DMD: variants seen among roughly 807,000 people sequenced by gnomAD.
DMD encodes mutant dystrophin.
A neutral mutation model predicts 330.1 loss-of-function variants in DMD; 63 were observed. The observed-to-expected ratio is 0.19, with a 90% CI of 0.16 to 0.24. The LOEUF (loss-of-function observed/expected upper bound fraction) is 0.24. Among genes scored for constraint, DMD ranks in the 10% least tolerant of loss-of-function variants. The pLI is 1.00. For missense variants in DMD, 3,344 were observed against 2,684.1 expected (o/e 1.25, Z -5.43); for synonymous variants, 1,223 against 959.8 (o/e 1.27, Z -5.07).
intron 76 of DMD, among the ~76,000 whole-genome samples, chrX:31,146,065 C>G (rs953831682): frequency 1.2e-4 from 13 of 112,652 alleles, no homozygotes; most frequent in African/African-American, 3.6e-4. Context: ...GCAATTGCCT[C>G]CTAACTGGTC....
At chrX:32,731,644 A>T (rs2067673312) in intron 7 of DMD, among the ~76,000 whole-genome samples, 1 of 111,968 alleles carries the variant, frequency 8.9e-6, no homozygotes, top group African/African-American at 3.2e-5. Context: ...ACTCCCCAAA[A>T]GGGGCATACT....
chrX:33,008,223 C>CT (rs1301075112), intron 2 of DMD, among the ~76,000 whole-genome samples: 2 of 111,250 alleles, frequency 1.8e-5, no homozygotes, highest in Admixed American at 9.6e-5. Flanking sequence ...AAGCAAAGCC[C>CT]TTTTAAAAAC....
chrX:31,383,731 T>C (rs1017242378), intron 60 of DMD, among the ~76,000 whole-genome samples: 1 of 112,085 alleles, frequency 8.9e-6, no homozygotes, highest in African/African-American at 3.2e-5. Context: ...TGGTTGTGCA[T>C]TGGAGAGAAG....
chrX:32,636,243 T>A (rs1392054289), intron 11 of DMD, among the ~76,000 whole-genome samples: 2 of 111,985 alleles, frequency 1.8e-5, no homozygotes, highest in African/African-American at 6.5e-5. Context: ...GGAGAGCATG[T>A]CATGTATCAT....
chrX:33,267,028 T>C (rs2053054738), intron 1 of DMD, among the ~76,000 whole-genome samples: 1 of 110,650 alleles, frequency 9.0e-6, no homozygotes, highest in Admixed American at 9.7e-5. Context: ...ATAAAATGCA[T>C]CCAAATAGAA....
chrX:32,017,126 T>C (rs1372345129), intron 44 of DMD, among the ~76,000 whole-genome samples: 4 of 112,250 alleles, frequency 3.6e-5, no homozygotes, highest in Non-Finnish European at 7.5e-5. Context: ...TTCCAAAGAA[T>C]TTCTTCTCAG....
intron 55 of DMD, among the ~76,000 whole-genome samples, chrX:31,572,477 T>C (rs2075875231): frequency 8.9e-6 from 1 of 112,233 alleles, no homozygotes; most frequent in South Asian, 3.7e-4. Flanking sequence ...CTAATGGCTT[T>C]AGACATACTC....
At chrX:32,432,001 C>T (rs2098240314) in intron 29 of DMD, among the ~76,000 whole-genome samples, 1 of 111,599 alleles carries the variant, frequency 9.0e-6, no homozygotes, top group Non-Finnish European at 1.9e-5. Flanking sequence ...ACGCTCCTAA[C>T]CTGGTGCTAC....
chrX:32,759,047 CTT>C (rs1401161271), intron 7 of DMD, among the ~76,000 whole-genome samples: 10 of 98,606 alleles, frequency 1.0e-4, no homozygotes, highest in African/African-American at 4.0e-4. Context: ...TTCTAACTAT[CTT>C]TAAGTTTCAG....
chrX:31,573,603 G>GA (rs1315899277), intron 55 of DMD, among the ~76,000 whole-genome samples: 1 of 111,997 alleles, frequency 8.9e-6, no homozygotes, highest in African/African-American at 3.2e-5. Context: ...GATCTACTTA[G>GA]AAAAACATCT....
chrX:31,470,521 C>T (rs373076585), intron 59 of DMD, among the ~76,000 whole-genome samples: 19 of 112,151 alleles, frequency 1.7e-4, no homozygotes, highest in African/African-American at 6.2e-4. Flanking sequence ...CCTCTGGAAG[C>T]TTCATCCCAG....
intron 7 of DMD, among the ~76,000 whole-genome samples, chrX:32,747,115 G>A (rs929041546): frequency 8.9e-6 from 1 of 111,732 alleles, no homozygotes; most frequent in African/African-American, 3.3e-5. Context: ...TGGACACTTA[G>A]GTTGATTCCG....
rs753950173 is a variant in DMD at position 33,139,878 on chromosome X, A to T, written c.31+71404T>A. 4.0e-4 allele frequency among the ~76,000 whole-genome samples: 43 copies of T among 108,100 alleles called. 1 individual carries two copies. The highest frequency in any genetic ancestry group is 1.5e-3 in the Admixed American group (15 of 10,004). 93.9% of individuals were successfully genotyped at this position (108,100 alleles called of 115,157 possible). A position where few individuals can be genotyped will look rare whatever the true frequency, so the allele number is the denominator to read the frequency against. On this transcript the variant is annotated intron_variant, in intron 1 of 78. Transcript: ENST00000357033. The stretch of plus-strand genomic sequence containing the variant: ...ATACAGCCCCATCGCTAAAAAAAAA[A>T]AAAAAAAAAAAAAAAAAATGTCTAA...
intron 43 of DMD, among the ~76,000 whole-genome samples, chrX:32,236,582 T>C (rs895132145): frequency 2.7e-5 from 3 of 111,318 alleles, no homozygotes; most frequent in African/African-American, 6.5e-5. Flanking sequence ...GTTCTCGTGA[T>C]AGTAAATTAG....
intron 67 of DMD, among the ~76,000 whole-genome samples, chrX:31,185,935 A>C (rs144922418): frequency 0.034 from 3,761 of 111,933 alleles, 149 homozygotes; most frequent in African/African-American, 0.11. Context: ...TTTCAGTTGA[A>C]TATATGACAT....
chrX:31,721,777 T>G (rs2085582294), intron 52 of DMD, among the ~76,000 whole-genome samples: 1 of 95,532 alleles, frequency 1.0e-5, no homozygotes, highest in Non-Finnish European at 2.0e-5. Context: ...AGAAGATAGA[T>G]GGAAAGAGAC....
chrX:31,255,724 A>G (rs917244906), intron 63 of DMD, among the ~76,000 whole-genome samples: 2 of 109,815 alleles, frequency 1.8e-5, no homozygotes, highest in African/African-American at 6.6e-5. Flanking sequence ...CTCAGCCCAA[A>G]GTAAAAGAAA....
At chrX:32,130,016 CT>C (rs2096683240) in intron 44 of DMD, among the ~76,000 whole-genome samples, 1 of 86,031 alleles carries the variant, frequency 1.2e-5, no homozygotes, top group Admixed American at 1.3e-4. Flanking sequence ...ACCTTTAAGT[CT>C]TTTTAAGCTG....
chrX:33,110,212 T>C (rs1470645157), intron 1 of DMD, among the ~76,000 whole-genome samples: 1 of 110,893 alleles, frequency 9.0e-6, no homozygotes, highest in Non-Finnish European at 1.9e-5. Flanking sequence ...GGTACAAGCC[T>C]CTGTTATTTT....
Sources: gnomAD v4.1 joint callset for allele counts (sites outside exome capture counted in the v4.1 genomes callset) on GRCh38, gnomAD v4.1.1 for gene constraint, MANE v1.5 for transcripts, NCBI Gene and HGNC (gene_info 2026-07-23, HGNC 2026-07-21) for gene names.